Variants in PTCHD4 observed in about 807,000 individuals in gnomAD.
PTCHD4 encodes patched domain-containing protein 4.
PTCHD4 carries 33 observed loss-of-function variants against 58.1 expected under a neutral mutation model. That is an observed-to-expected ratio of 0.57 (90% CI 0.43 to 0.76). PTCHD4 has a LOEUF of 0.76. Ranked by LOEUF, PTCHD4 falls within the 30% of genes least tolerant of loss-of-function variation. PTCHD4 has a pLI of 0.00. For missense variants in PTCHD4, 1,058 were observed against 1,027.1 expected (o/e 1.03, Z -0.41); for synonymous variants, 478 against 409.6 (o/e 1.17, Z -2.02).
At chr6:47,933,672 A>T (rs564488400) in intron 4 of PTCHD4, among the ~76,000 whole-genome samples, 1 of 152,208 alleles carries the variant, frequency 6.6e-6, no homozygotes, top group Non-Finnish European at 1.5e-5. Flanking sequence ...TAGACTTAGT[A>T]TAAGATTAGT....
At chr6:48,091,883 C>T (rs888951187) in intron 1 of PTCHD4, among the ~76,000 whole-genome samples, 1 of 152,010 alleles carries the variant, frequency 6.6e-6, no homozygotes, top group African/African-American at 2.4e-5. Context: ...CTCCTGACCT[C>T]TGATGATCCA....
chr6:48,042,708 T>A (rs1425533675), intron 3 of PTCHD4, among the ~76,000 whole-genome samples: 2 of 151,932 alleles, frequency 1.3e-5, no homozygotes, highest in Non-Finnish European at 2.9e-5. Context: ...ATTGCAGTTT[T>A]CTTATTTTTC....
Position 47,976,003 on chromosome 6 carries a change from C to A in PTCHD4, c.898+32631G>T, listed in dbSNP as rs560154534. 2.0e-5 allele frequency among the ~76,000 whole-genome samples: 3 copies of A among 152,292 alleles called. No individual in the cohort carries two copies. The South Asian group carries it at 6.2e-4, about 32-fold the overall frequency. Reference sequence around the variant, plus strand: ...GTCTTGTCCTTTCTGGTTGGCAATACCTTTTTCGAGCATTTATGGACTACT... The same window carrying A: ...GTCTTGTCCTTTCTGGTTGGCAATAACTTTTTCGAGCATTTATGGACTACT... On this transcript the variant is annotated intron_variant, in intron 4 of 4. Coordinates refer to ENST00000339488, the MANE Select transcript of PTCHD4 (RefSeq NM_001384253.1).
In PTCHD4 at chr6:47,858,515, C is replaced by T. The variant is rs747405300; in HGVS notation, c.*19788G>A. The stretch of plus-strand genomic sequence containing the variant: ...ATACTTTCAGAAGACTTTGCACATG[C>T]TGAAACCTATGTGGTATAATTAATA... On this transcript the variant is annotated 3_prime_UTR_variant, in exon 5 of 5. Coordinates refer to ENST00000339488, the MANE Select transcript of PTCHD4 (RefSeq NM_001384253.1). Among the ~76,000 whole-genome samples the T allele has an allele frequency of 2.0e-5, 3 of 151,990 alleles. No individual in the cohort carries two copies. Among genetic ancestry groups the T allele is most frequent in the Non-Finnish European group, 4.4e-5 (3 of 67,960 alleles).
At chr6:48,098,802 T>A (rs78451139) in intron 1 of PTCHD4, among the ~76,000 whole-genome samples, 28,249 of 152,152 alleles carry the variant, frequency 0.19, 2,849 homozygotes, top group Non-Finnish European at 0.22. Context: ...TGAGTAGCTA[T>A]GGGTAAAAGG....
At chr6:48,009,993 A>T (rs534578541) in intron 3 of PTCHD4, among the ~76,000 whole-genome samples, 1 of 152,380 alleles carries the variant, frequency 6.6e-6, no homozygotes, top group South Asian at 2.1e-4. Flanking sequence ...AAACAGGTTG[A>T]GAACGGTATT....
intron 1 of PTCHD4, among the ~76,000 whole-genome samples, chr6:48,075,597 T>G (rs1447412422): frequency 1.3e-5 from 2 of 152,192 alleles, no homozygotes; most frequent in African/African-American, 2.4e-5. Flanking sequence ...AATTGCAGGT[T>G]CATTTCCAGA....
chr6:48,060,764 C>T (rs909950219), intron 3 of PTCHD4, among the ~76,000 whole-genome samples: 6 of 152,184 alleles, frequency 3.9e-5, no homozygotes, highest in Non-Finnish European at 8.8e-5. Context: ...CGTGAGCCAC[C>T]GTGCCTGACA....
intron 4 of PTCHD4, among the ~76,000 whole-genome samples, chr6:47,893,158 G>A (rs557416799): frequency 1.3e-5 from 2 of 152,106 alleles, no homozygotes; most frequent in African/African-American, 2.4e-5. Flanking sequence ...CTACAGGCGT[G>A]TGCCACCACG....
intron 4 of PTCHD4, among the ~76,000 whole-genome samples, chr6:47,898,974 T>C (rs1418530742): frequency 6.6e-6 from 1 of 152,192 alleles, no homozygotes; most frequent in African/African-American, 2.4e-5. Context: ...GTGATTGGTT[T>C]TCATGAAGAA....
At chr6:48,048,034 A>C (rs1443127071) in intron 3 of PTCHD4, among the ~76,000 whole-genome samples, 1 of 151,710 alleles carries the variant, frequency 6.6e-6, no homozygotes, top group African/African-American at 2.4e-5. Context: ...AAAAAAAAAA[A>C]AAAACCCTTT....
chr6:48,093,324 ATG>A (rs1765402585), intron 1 of PTCHD4, among the ~76,000 whole-genome samples: 1 of 152,168 alleles, frequency 6.6e-6, no homozygotes, highest in South Asian at 2.1e-4. Context: ...CTTTTTAAAA[ATG>A]TGAATTCAGG....
chr6:47,957,605 TA>T (rs1179902090), intron 4 of PTCHD4, among the ~76,000 whole-genome samples: 3 of 150,928 alleles, frequency 2.0e-5, no homozygotes, highest in Admixed American at 6.6e-5. Context: ...TTTTTATTTT[TA>T]TTTTTTTTTT....
At chr6:47,988,638 T>C (rs1768167431) in intron 4 of PTCHD4, among the ~76,000 whole-genome samples, 1 of 152,202 alleles carries the variant, frequency 6.6e-6, no homozygotes, top group South Asian at 2.1e-4. Flanking sequence ...TGAATAGGTC[T>C]CATGAAATCT....
At chr6:47,925,920 T>G (rs1765597255) in intron 4 of PTCHD4, among the ~76,000 whole-genome samples, 1 of 152,190 alleles carries the variant, frequency 6.6e-6, no homozygotes, top group Non-Finnish European at 1.5e-5. Flanking sequence ...CTCACATCAA[T>G]GAGCAATTTG....
At chr6:47,959,256 C>G (rs1048854318) in intron 4 of PTCHD4, among the ~76,000 whole-genome samples, 2 of 152,058 alleles carry the variant, frequency 1.3e-5, no homozygotes, top group African/African-American at 4.8e-5. Context: ...AAGGAAACTT[C>G]TAGAAATAAA....
In PTCHD4 at chr6:47,896,889, G is replaced by A. The variant is rs575509125; in HGVS notation, c.899-16953C>T. Among the ~76,000 whole-genome samples, 12 of 152,224 alleles carry A rather than the reference G, an allele frequency of 7.9e-5. No individual in the cohort carries two copies. The South Asian group carries it at 1.7e-3, about 21-fold the overall frequency. ...GGTAGACACGACCAAAACCCAAATC[G>A]TCAGACTCTTACTCCAGTGTAAGGA... On this transcript the variant is annotated intron_variant, in intron 4 of 4. Coordinates refer to ENST00000339488, the MANE Select transcript of PTCHD4 (RefSeq NM_001384253.1).
At chr6:48,087,506 C>T (rs940491747) in intron 1 of PTCHD4, among the ~76,000 whole-genome samples, 1 of 152,010 alleles carries the variant, frequency 6.6e-6, no homozygotes, top group Non-Finnish European at 1.5e-5. Flanking sequence ...ATTCATGGGG[C>T]CCTTACTAAG....
At chr6:47,928,753 C>T (rs1374967536) in intron 4 of PTCHD4, among the ~76,000 whole-genome samples, 1 of 152,042 alleles carries the variant, frequency 6.6e-6, no homozygotes, top group Non-Finnish European at 1.5e-5. Context: ...ATTGTGAGTT[C>T]CGTGAGGATA....
Sources: allele counts gnomAD v4.1 joint callset (sites outside exome capture counted in the v4.1 genomes callset), GRCh38; gene constraint gnomAD v4.1.1; transcripts MANE v1.5; gene names NCBI Gene and HGNC (gene_info 2026-07-23, HGNC 2026-07-21).